Variants in RBPJ observed in about 807,000 individuals in gnomAD.
The protein encoded by RBPJ is recombination signal binding protein for immunoglobulin kappa J region.
A neutral mutation model predicts 67.8 loss-of-function variants in RBPJ; 9 were observed. That is an observed-to-expected ratio of 0.13 (90% CI 0.08 to 0.23). RBPJ has a LOEUF of 0.23. RBPJ is among the 10% of genes least tolerant of loss of function. The probability of loss-of-function intolerance (pLI) is 1.00; values close to 1 mark genes in which losing one functional copy is unlikely to be tolerated. For synonymous variants in RBPJ, 198 were observed against 203.3 expected, an observed-to-expected ratio of 0.97 and a Z score of 0.22; for missense variants, 305 against 595.6, an observed-to-expected ratio of 0.51 and a Z score of 5.08.
chr4:26,244,622 G>A (rs889972743), intron 1 of RBPJ, among the ~76,000 whole-genome samples: 1 of 151,594 alleles, frequency 6.6e-6, no homozygotes, highest in African/African-American at 2.4e-5. Context: ...TAGTGTTATC[G>A]ATTTTAATTT....
At chr4:26,227,230 A>T (rs1719105549) in intron 1 of RBPJ, among the ~76,000 whole-genome samples, 1 of 152,196 alleles carries the variant, frequency 6.6e-6, no homozygotes, top group South Asian at 2.1e-4. Flanking sequence ...CTTAACTAAC[A>T]GAGAGTTCAA....
At chr4:26,173,997 A>G (rs190508138) in intron 1 of RBPJ, among the ~76,000 whole-genome samples, 3 of 152,126 alleles carry the variant, frequency 2.0e-5, no homozygotes, top group Admixed American at 1.3e-4. Context: ...TTGGAATCCA[A>G]CTCCTCTGAA....
chr4:26,277,600 G>A (rs1458580709), intron 1 of RBPJ, among the ~76,000 whole-genome samples: 2 of 152,246 alleles, frequency 1.3e-5, no homozygotes, highest in African/African-American at 4.8e-5. Context: ...TTTGTGAGTG[G>A]ATGGTGTGTT....
At chr4:26,358,610 C>CAAAAAAAAAAAA (rs771623602) in intron 1 of RBPJ, among the ~76,000 whole-genome samples, 1 of 43,126 alleles carries the variant, frequency 2.3e-5, no homozygotes, top group Non-Finnish European at 5.1e-5. Flanking sequence ...CCCATCTCTG[C>CAAAAAAAAAAAA]AAAAAAAAAA....
intron 1 of RBPJ, among the ~76,000 whole-genome samples, chr4:26,186,933 A>C (rs1357657650): frequency 1.3e-5 from 2 of 152,156 alleles, no homozygotes; most frequent in African/African-American, 4.8e-5. Flanking sequence ...AAAAATACAC[A>C]AACAAGGCCT....
Position 26,251,967 on chromosome 4 carries a change from T to C in RBPJ, c.-167+88353T>C, listed in dbSNP as rs1294587769. 2.6e-5 allele frequency among the ~76,000 whole-genome samples: 4 copies of C among 152,012 alleles called. No homozygotes were observed. In the East Asian group the frequency reaches 7.7e-4, roughly 29 times the overall value. On this transcript the variant is annotated intron_variant, in intron 1 of 4. Coordinates refer to the RBPJ transcript ENST00000512351. The stretch of plus-strand genomic sequence containing the variant: ...CGACTGACTTTCAGAAAGACTATAA[T>C]GATGTGAACACCAAAATTTTAATAT...
At chr4:26,423,769 T>A (rs1284670182) in intron 5 of RBPJ, among the ~76,000 whole-genome samples, 1 of 152,230 alleles carries the variant, frequency 6.6e-6, no homozygotes, top group Non-Finnish European at 1.5e-5. Context: ...CAATACTTTA[T>A]TTAGAAGAAA....
chr4:26,389,392 C>G (rs1452598906), intron 2 of RBPJ, among the ~76,000 whole-genome samples: 1 of 150,942 alleles, frequency 6.6e-6, no homozygotes, highest in African/African-American at 2.4e-5. Context: ...TGAAACCTTG[C>G]TGTGGATAAG....
chr4:26,339,583 G>C (rs899010374), intron 1 of RBPJ, among the ~76,000 whole-genome samples: 5 of 152,156 alleles, frequency 3.3e-5, no homozygotes, highest in African/African-American at 9.7e-5. Flanking sequence ...GCAGTGAGCT[G>C]AGATCGTGCC....
At chr4:26,428,019 T>C (rs1735859377) in intron 7 of RBPJ, among the ~76,000 whole-genome samples, 1 of 152,212 alleles carries the variant, frequency 6.6e-6, no homozygotes, top group Non-Finnish European at 1.5e-5. Context: ...TAGAGATCAG[T>C]TGGACAGGCA....
At chr4:26,335,142 C>T (rs1724675168) in intron 1 of RBPJ, among the ~76,000 whole-genome samples, 1 of 152,060 alleles carries the variant, frequency 6.6e-6, no homozygotes, top group Non-Finnish European at 1.5e-5. Context: ...CAGTAACTTC[C>T]TTATTTCCTC....
intron 2 of RBPJ, among the ~76,000 whole-genome samples, chr4:26,395,615 C>T (rs1435058222): frequency 6.6e-6 from 1 of 152,146 alleles, no homozygotes; most frequent in Non-Finnish European, 1.5e-5. Context: ...CCCTCTCTTC[C>T]TTCCTTTGTT....
At chr4:26,106,728 C>T in the RBPJ span, among the ~76,000 whole-genome samples, 1 of 152,096 alleles carries the variant, frequency 6.6e-6, no homozygotes, top group African/African-American at 2.4e-5. Context: ...CACTGAATAC[C>T]CCTTAATCCC....
chr4:26,428,963 C>T (rs1735948899), intron 8 of RBPJ, 103 bp downstream of exon 8: 1 of 838,812 alleles, frequency 1.2e-6, no homozygotes, highest in East Asian at 2.6e-5. Context: ...TATACAAATA[C>T]ATGAAGCTAT....
intron 5 of RBPJ, among the ~76,000 whole-genome samples, chr4:26,423,946 T>G (rs1735390163): frequency 6.6e-6 from 1 of 152,198 alleles, no homozygotes; most frequent in African/African-American, 2.4e-5. Context: ...TATTTTATAG[T>G]CTGCTTTTCC....
At chr4:26,224,298 C>T (rs1044169515) in intron 1 of RBPJ, among the ~76,000 whole-genome samples, 5 of 152,092 alleles carry the variant, frequency 3.3e-5, no homozygotes, top group Admixed American at 6.5e-5. Flanking sequence ...GGCACAATCT[C>T]GGCTCACTGC....
intron 1 of RBPJ, among the ~76,000 whole-genome samples, chr4:26,249,704 G>T (rs1264230482): frequency 6.6e-6 from 1 of 151,766 alleles, no homozygotes; most frequent in South Asian, 2.1e-4. Context: ...TACTTTTGCT[G>T]CACCAACCTA....
chr4:26,274,237 A>C (rs1013334251), intron 1 of RBPJ, among the ~76,000 whole-genome samples: 1 of 152,202 alleles, frequency 6.6e-6, no homozygotes, highest in Non-Finnish European at 1.5e-5. Context: ...TGCCACATAC[A>C]TAGTAGGCGC....
intron 1 of RBPJ, among the ~76,000 whole-genome samples, chr4:26,259,612 C>T (rs1254784053): frequency 1.3e-5 from 2 of 152,210 alleles, no homozygotes; most frequent in Non-Finnish European, 2.9e-5. Flanking sequence ...TGTCTATAGT[C>T]AATCCAGGTG....
Sources: gnomAD v4.1 joint callset for allele counts (sites outside exome capture counted in the v4.1 genomes callset) on GRCh38, gnomAD v4.1.1 for gene constraint, MANE v1.5 for transcripts, NCBI Gene and HGNC (gene_info 2026-07-23, HGNC 2026-07-21) for gene names.